AP3S2: variants seen among roughly 807,000 people sequenced by gnomAD.
AP3S2 encodes the protein AP-3 complex subunit sigma-2.
Under a neutral mutation model 23.4 loss-of-function variants are expected in AP3S2, and 22 were observed. The observed-to-expected ratio is 0.94, with a 90% CI of 0.67 to 1.34. The LOEUF (loss-of-function observed/expected upper bound fraction) is 1.34, where lower values mean the gene tolerates loss of function less well. AP3S2 is among the 40% of genes most tolerant of loss of function. AP3S2 has a pLI of 0.00. For synonymous variants in AP3S2, 86 were observed against 87.1 expected (o/e 0.99, Z 0.07); for missense variants, 241 against 236.9 (o/e 1.02, Z -0.11).
intron 4 of AP3S2, among the ~76,000 whole-genome samples, chr15:89,855,652 C>T (rs1268285382): frequency 1.4e-5 from 2 of 139,204 alleles, no homozygotes; most frequent in Non-Finnish European, 3.1e-5. Flanking sequence ...AGTTCAAGAC[C>T]AGCCTGACCA....
chr15:89,875,467 C>T (rs1424915192), intron 3 of AP3S2, among the ~76,000 whole-genome samples: 1 of 152,180 alleles, frequency 6.6e-6, no homozygotes, highest in Non-Finnish European at 1.5e-5. Context: ...GACGAAAACA[C>T]AAAGCGCATG....
intron 4 of AP3S2, among the ~76,000 whole-genome samples, chr15:89,863,692 C>G (rs530169165): frequency 7.9e-4 from 121 of 152,328 alleles, no homozygotes; most frequent in Non-Finnish European, 1.5e-3. Context: ...AGGCCTACTA[C>G]TCCGGCCACA....
intron 5 of AP3S2, among the ~76,000 whole-genome samples, chr15:89,836,222 AGTGTG>A (rs1895188451): frequency 6.6e-6 from 1 of 152,206 alleles, no homozygotes; most frequent in Non-Finnish European, 1.5e-5. Flanking sequence ...TCAGAGGCGG[AGTGTG>A]GCCTATACAG....
intron 1 of AP3S2, chr15:89,893,257 G>A (rs533891615): frequency 6.5e-6 from 1 of 153,618 alleles, no homozygotes; most frequent in Non-Finnish European, 1.4e-5. Context: ...AGCAAATACT[G>A]ATGTTTATGT....
At chr15:89,877,534 T>C (rs1231947300) in intron 3 of AP3S2, 3 of 587,010 alleles carry the variant, frequency 5.1e-6, no homozygotes, top group Non-Finnish European at 8.4e-6. Flanking sequence ...CCACCATCCA[T>C]GTTCATATCT....
chr15:89,889,733 G>A (rs978711628), intron 1 of AP3S2, among the ~76,000 whole-genome samples: 4 of 151,664 alleles, frequency 2.6e-5, no homozygotes, highest in Admixed American at 1.3e-4. Context: ...GCGTGGTGGC[G>A]CATGCCTGTA....
chr15:89,871,561 G>A lies in AP3S2; in HGVS notation c.274-15C>T, dbSNP rs746153677. The A allele has an allele frequency of 1.2e-6, 2 of 1,611,434 alleles. No individual in the cohort carries two copies. The highest frequency in any genetic ancestry group is 1.1e-5 in the South Asian group (1 of 90,436). The stretch of plus-strand genomic sequence containing the variant: ...TCCACAAAAACCTAGAAAACAAGGA[G>A]AAATAGATAAAGAAGAGAAATAGGA... On this transcript the variant is annotated splice_polypyrimidine_tract_variant and intron_variant, in intron 3 of 5. Coordinates refer to ENST00000336418, the MANE Select transcript of AP3S2 (RefSeq NM_005829.5).
intron 4 of AP3S2, among the ~76,000 whole-genome samples, chr15:89,864,033 A>G (rs1896064226): frequency 2.0e-5 from 3 of 152,234 alleles, no homozygotes; most frequent in Admixed American, 2.0e-4. Flanking sequence ...GATTCCTTGC[A>G]TCACTTGTTT....
chr15:89,838,135 G>T (rs757007445), intron 4 of AP3S2: 1 of 162,490 alleles, frequency 6.2e-6, no homozygotes, highest in East Asian at 1.8e-4. Context: ...TTCTAAGTAA[G>T]GAATGGTGGC....
chr15:89,876,120 G>C (rs1256470627), intron 3 of AP3S2, among the ~76,000 whole-genome samples: 1 of 152,054 alleles, frequency 6.6e-6, no homozygotes, highest in Non-Finnish European at 1.5e-5. Flanking sequence ...TCTAGAAGCA[G>C]GAAAAGAAAA....
At chr15:89,837,817 G>T in intron 4 of AP3S2, 95 bp from the exon 5 acceptor site, 2 of 1,426,862 alleles carry the variant, frequency 1.4e-6, no homozygotes, top group Non-Finnish European at 1.9e-6. Context: ...AGAGTGGTCA[G>T]ATATGACCTG....
intron 3 of AP3S2, chr15:89,876,408 G>T (rs1240861725): frequency 6.6e-6 from 1 of 152,052 alleles, no homozygotes; most frequent in Non-Finnish European, 1.5e-5. Context: ...AACAGAGTGA[G>T]ACGCCGTCTC....
rs148881442 is a variant in AP3S2, at chr15:89,890,923, GA to G, written c.70-1784del. Among the ~76,000 whole-genome samples, 66 of 152,306 alleles carry G rather than the reference GA, an allele frequency of 4.3e-4. No homozygotes were observed. The East Asian group carries it at 9.2e-3, about 21-fold the overall frequency. On this transcript the variant is annotated intron_variant, in intron 1 of 5. Transcript: ENST00000336418. ...GCTAATCATTGGTCACTACAAATTT[GA>G]GTAAATTAATCACTATTTTCCTCAT...
intron 5 of AP3S2, 136 bp downstream of exon 5, chr15:89,837,479 A>T: frequency 1.0e-6 from 1 of 998,234 alleles, no homozygotes; most frequent in Non-Finnish European, 1.5e-6. Flanking sequence ...ATGAGTTTCA[A>T]TGGACTCAAG....
At chr15:89,841,084 AG>A (rs1895319662) in intron 4 of AP3S2, among the ~76,000 whole-genome samples, 1 of 152,200 alleles carries the variant, frequency 6.6e-6, no homozygotes, top group Non-Finnish European at 1.5e-5. Flanking sequence ...GGGACTTCGA[AG>A]ATAGACAACA....
chr15:89,853,668 G>A (rs866676633), intron 4 of AP3S2, among the ~76,000 whole-genome samples: 4 of 127,112 alleles, frequency 3.1e-5, no homozygotes, highest in African/African-American at 6.2e-5. Flanking sequence ...AGTGAGGAGC[G>A]CCTCTTCCCA....
rs969520610 is a variant in AP3S2 at position 89,833,169 on chromosome 15, A to G, written c.*2346T>C. 1.7e-4 allele frequency: 26 copies of G among 152,356 alleles called. No individual in the cohort carries two copies. The East Asian group carries it at 2.3e-3, about 14-fold the overall frequency. 9.4% of individuals were successfully genotyped at this position (152,356 alleles called of 1,614,324 possible). On this transcript the variant is annotated 3_prime_UTR_variant, in exon 6 of 6. Transcript: ENST00000336418. ...TGGCTCTGGATTTGTGACCCTCAAC[A>G]TAACATTTACCACCTTGGGCTTCGG...
intron 4 of AP3S2, among the ~76,000 whole-genome samples, chr15:89,844,555 C>A (rs902820005): frequency 6.6e-6 from 1 of 151,552 alleles, no homozygotes; most frequent in African/African-American, 2.4e-5. Flanking sequence ...TGCTATATTG[C>A]TCAGGCTGGT....
intron 1 of AP3S2, among the ~76,000 whole-genome samples, chr15:89,892,291 G>T (rs1358003164): frequency 1.3e-5 from 2 of 152,186 alleles, no homozygotes; most frequent in Non-Finnish European, 2.9e-5. Flanking sequence ...TCTTTTTGGG[G>T]TGATGAAAAT....
Sources: gnomAD v4.1 joint callset for allele counts (sites outside exome capture counted in the v4.1 genomes callset) on GRCh38, gnomAD v4.1.1 for gene constraint, MANE v1.5 for transcripts, NCBI Gene and HGNC (gene_info 2026-07-23, HGNC 2026-07-21) for gene names.